The following DNAH2 variants were observed in gnomAD, a reference collection of about 807,000 sequenced individuals.
The protein encoded by DNAH2 is dynein axonemal heavy chain 2, also known as axonemal beta dynein heavy chain 2.
A neutral mutation model predicts 523.5 loss-of-function variants in DNAH2; 323 were observed. The observed-to-expected ratio is 0.62, with a 90% CI of 0.56 to 0.68. The LOEUF (loss-of-function observed/expected upper bound fraction) is 0.68, where lower values mean the gene tolerates loss of function less well. Among genes scored for constraint, DNAH2 ranks in the 30% least tolerant of loss-of-function variants. The pLI is 0.00. For missense variants in DNAH2, 4,907 were observed against 5,701.5 expected, an observed-to-expected ratio of 0.86 and a Z score of 4.49; for synonymous variants, 2,093 against 2,177.4, an observed-to-expected ratio of 0.96 and a Z score of 1.08.
At chr17:7,782,877 C>T (rs201066831) in intron 39 of DNAH2, among the ~76,000 whole-genome samples, 2 of 149,248 alleles carry the variant, frequency 1.3e-5, no homozygotes, top group Non-Finnish European at 3.0e-5. Context: ...ACTAGAAAAA[C>T]GTGCTCTACT....
Position 7,805,352 on chromosome 17 carries a change from G to A in DNAH2, c.9401G>A (p.Arg3134Gln). The A allele has an allele frequency of 5.6e-6, 9 of 1,614,226 alleles. No homozygotes were observed. Among genetic ancestry groups the A allele is most frequent in the South Asian group, 2.2e-5 (2 of 91,086 alleles). ...GTGATGCAGGCAGTTATGATTCTTC[G>A]AGGCAACGAGCCCACATGGGCAGAG... is the stretch of plus-strand genomic sequence containing the variant. The part of the protein sequence containing the change: ...EIVMQAVMIL[R>Q]GNEPTWAEAK... Residue 3134 changes from arginine to glutamine, a missense_variant, in exon 61 of 86, where the codon CGA becomes CAA. By Grantham distance (43) the Arg-to-Gln change is conservative (BLOSUM62 1). Around this residue, in one of 3 missense-constraint regions of DNAH2, gnomAD observed 1,851 missense variants for 2,139.4 expected, o/e 0.87. Transcript: ENST00000572933.
chr17:7,829,420 C>G lies in DNAH2; in HGVS notation c.11854-880C>G, dbSNP rs185203961. ...GCTCACCCTGTCACTTTATTCTGTC[C>G]TCGGTGCCTTTATTCAATTCCTTGC... is the stretch of plus-strand genomic sequence containing the variant. On this transcript the variant is annotated intron_variant, in intron 77 of 85. Coordinates refer to ENST00000572933, the MANE Select transcript of DNAH2 (RefSeq NM_020877.5). Among the ~76,000 whole-genome samples, 46 of 152,242 alleles carry G rather than the reference C, an allele frequency of 3.0e-4. 1 individual carries two copies. The highest frequency in any genetic ancestry group is 1.9e-3 in the South Asian group (9 of 4,820).
chr17:7,756,099 G>A (rs369631043), intron 12 of DNAH2, among the ~76,000 whole-genome samples: 3 of 151,748 alleles, frequency 2.0e-5, no homozygotes, highest in East Asian at 4.0e-4. Flanking sequence ...AATTAGCTGG[G>A]TGTGGTGGTG....
intron 63 of DNAH2, among the ~76,000 whole-genome samples, chr17:7,809,601 T>A (rs1256315354): frequency 6.6e-6 from 1 of 152,154 alleles, no homozygotes; most frequent in Non-Finnish European, 1.5e-5. Context: ...ATGAATCATA[T>A]CCTGGGCTAA....
At chr17:7,725,911 T>TTAAG (rs75520065) in intron 3 of DNAH2, among the ~76,000 whole-genome samples, 39,130 of 151,860 alleles carry the variant, frequency 0.26, 6,031 homozygotes, top group Non-Finnish European at 0.36. Context: ...CCTGGAAACT[T>TTAAG]TAAGAGAGAT....
chr17:7,783,811 A>C (rs1412388256), intron 39 of DNAH2, among the ~76,000 whole-genome samples: 2 of 151,966 alleles, frequency 1.3e-5, no homozygotes, highest in East Asian at 1.9e-4. Flanking sequence ...AAAAAAAAAA[A>C]AACAAAAAAC....
chr17:7,751,263 T>C (rs1365668380), intron 12 of DNAH2, among the ~76,000 whole-genome samples: 1 of 152,094 alleles, frequency 6.6e-6, no homozygotes, highest in Non-Finnish European at 1.5e-5. Flanking sequence ...TGGCTAATTT[T>C]TGGATTTTTA....
At position 7,734,430 on chromosome 17, in the gene DNAH2, G is replaced by C. The variant is rs759173601; in HGVS notation, c.740-40G>C. Reference sequence around the variant, plus strand: ...GAGTGAAGGATGCTGTTGGGAAGCAGTGTGAAGAAACGAAGGAGATTTTGT... The same window carrying C: ...GAGTGAAGGATGCTGTTGGGAAGCACTGTGAAGAAACGAAGGAGATTTTGT... On this transcript the variant is annotated intron_variant, in intron 6 of 85. Transcript: ENST00000572933. 2.5e-6 allele frequency: 4 copies of C among 1,608,034 alleles called. No homozygotes were observed. In the East Asian group the frequency reaches 8.9e-5, roughly 36 times the overall value.
rs565307443 is a variant in DNAH2 at position 7,780,682 on chromosome 17, C to T, written c.5903C>T (p.Ser1968Phe). ...TACTCACTGGCTGTGCAGCAGCTGT[C>T]CAGACAGGACCACTATGACTTTGGC... ...TLYSLAVQQL[S>F]RQDHYDFGLR... Residue 1968 changes from serine to phenylalanine, a missense_variant, in exon 38 of 86, where the codon TCC becomes TTC. Around this residue, in one of 3 missense-constraint regions of DNAH2, gnomAD observed 2,806 missense variants for 3,190.8 expected, o/e 0.88. Transcript: ENST00000572933. This position sits in a 1 kb window ranked among gnomAD's most constrained non-coding sequence, Gnocchi z 4.4. The T allele has an allele frequency of 6.2e-7, 1 of 1,614,190 alleles. No individual in the cohort carries two copies. Among genetic ancestry groups the T allele is most frequent in the East Asian group, 2.2e-5 (1 of 44,882 alleles).
At chr17:7,719,472 G>C (rs891675535) in intron 1 of DNAH2, among the ~76,000 whole-genome samples, 1 of 152,100 alleles carries the variant, frequency 6.6e-6, no homozygotes, top group African/African-American at 2.4e-5. Flanking sequence ...TGCCTTGAGG[G>C]ACTGACTTTG....
chr17:7,777,423 T>C (rs1179376260), intron 32 of DNAH2, 23 bp from the exon 33 acceptor site: 1 of 1,613,760 alleles, frequency 6.2e-7, no homozygotes, highest in Non-Finnish European at 8.5e-7. Context: ...GTCTGCTCTC[T>C]TCCCTGCTGC....
intron 22 of DNAH2, among the ~76,000 whole-genome samples, chr17:7,767,609 C>CTTTTTTT (rs373073103): frequency 7.3e-6 from 1 of 137,106 alleles, no homozygotes. Context: ...ACTTATTTAC[C>CTTTTTTT]TTTTTTTTTT....
intron 12 of DNAH2, among the ~76,000 whole-genome samples, chr17:7,746,025 C>T (rs2075508876): frequency 2.6e-5 from 4 of 152,268 alleles, no homozygotes; most frequent in Non-Finnish European, 5.9e-5. Flanking sequence ...CCTTTCCTGG[C>T]ATTATCGGGC....
At chr17:7,796,346 G>A in intron 49 of DNAH2, 118 bp from the exon 50 acceptor site, 1 of 1,181,008 alleles carries the variant, frequency 8.5e-7, no homozygotes, top group Non-Finnish European at 1.2e-6. Context: ...ACCGTGCCCG[G>A]CCCTAGGATT....
intron 10 of DNAH2, 57 bp from the exon 11 acceptor site, chr17:7,740,753 A>G: frequency 6.4e-7 from 1 of 1,568,704 alleles, no homozygotes; most frequent in Non-Finnish European, 8.7e-7. Context: ...GGGATGAGTG[A>G]CCGGAGGGAA....
Position 7,780,528 on chromosome 17 carries a change from TTCATG to T in DNAH2, c.5851-99_5851-95del. The T allele has an allele frequency of 6.5e-7, 1 of 1,537,418 alleles. No homozygotes were observed. On this transcript the variant is annotated intron_variant, in intron 37 of 85. Coordinates refer to ENST00000572933, the MANE Select transcript of DNAH2 (RefSeq NM_020877.5). This position sits in a 1 kb window ranked among gnomAD's most constrained non-coding sequence, Gnocchi z 4.4. ...AATCCATAGAGTGCCTCCTAGCTGCTTCATGTCCTGGGACCTGGCTTCTTGTCTCT... is the reference window on the plus strand; with the variant it reads ...AATCCATAGAGTGCCTCCTAGCTGCTTCCTGGGACCTGGCTTCTTGTCTCT...
intron 12 of DNAH2, among the ~76,000 whole-genome samples, chr17:7,747,736 T>C (rs897168092): frequency 6.6e-6 from 1 of 152,224 alleles, no homozygotes; most frequent in Non-Finnish European, 1.5e-5. Flanking sequence ...TGCCTGTTTC[T>C]GTCCTTTGGG....
Position 7,786,624 on chromosome 17 carries a change from G to C in DNAH2, c.6403G>C (p.Asp2135His), listed in dbSNP as rs751812260. ...LSLGELYGEY[D>H]LSTNEWTDGI... ...CCTAGGGGAACTGTATGGGGAATATGACCTCAGCACCAATGAATGGACAGA... is the reference window on the plus strand; with the variant it reads ...CCTAGGGGAACTGTATGGGGAATATCACCTCAGCACCAATGAATGGACAGA... The change falls in exon 41 of 86, where the codon GAC becomes CAC. Residue 2135 changes from aspartate (D) to histidine (H), a missense_variant. Physicochemically the swap from Asp to His is moderately conservative, Grantham distance 81. Coordinates refer to ENST00000572933, the MANE Select transcript of DNAH2 (RefSeq NM_020877.5). The surrounding 1 kb of genome is among the most constrained non-coding windows in gnomAD (Gnocchi z 7.5). 3 of 1,614,108 alleles carry C rather than the reference G, an allele frequency of 1.9e-6. No individual in the cohort carries two copies. The South Asian group carries it at 3.3e-5, about 18-fold the overall frequency.
rs2075041708 is a variant in DNAH2 at position 7,733,219 on chromosome 17, G to A, written c.532G>A (p.Val178Ile). The change falls in exon 5 of 86, where the codon GTC (valine) becomes ATC (isoleucine). Residue 178 changes from valine (V) to isoleucine (I), a missense_variant. Coordinates refer to ENST00000572933, the MANE Select transcript of DNAH2 (RefSeq NM_020877.5). ...IPALLRLLGG[V>I]FAPQIFANTG... is the part of the protein sequence containing the mutation. ...GGCCCTGCTTCGGCTGCTCGGTGGA[G>A]TCTTTGCCCCTCAGATCTTTGCAAA... 1 of 1,614,218 alleles carries A rather than the reference G, an allele frequency of 6.2e-7. No homozygotes were observed. The highest frequency in any genetic ancestry group is 8.5e-7 in the Non-Finnish European group (1 of 1,180,042).
Sources: allele counts gnomAD v4.1 joint callset (sites outside exome capture counted in the v4.1 genomes callset), GRCh38; gene constraint gnomAD v4.1.1; regional missense constraint gnomAD v4.1.1; non-coding constraint Gnocchi (gnomAD v3.1); transcripts MANE v1.5; gene names NCBI Gene and HGNC (gene_info 2026-07-23, HGNC 2026-07-21).